The following RGS6 variants were observed in gnomAD, a reference collection of about 807,000 sequenced individuals.
RGS6 encodes regulator of G-protein signaling 6.
Under a neutral mutation model 78.5 loss-of-function variants are expected in RGS6, and 30 were observed. The observed-to-expected ratio is 0.38, with a 90% CI of 0.29 to 0.52. RGS6 has a LOEUF of 0.52. Ranked by LOEUF, RGS6 falls within the 20% of genes least tolerant of loss-of-function variation. The pLI is 0.85. For missense variants in RGS6, 495 were observed against 609.7 expected, an observed-to-expected ratio of 0.81 and a Z score of 1.98; for synonymous variants, 206 against 206.0, an observed-to-expected ratio of 1.00 and a Z score of 0.00.
rs77525570 is a variant in RGS6, at chr14:72,191,376, C to T, written c.85-160719C>T. On this transcript the variant is annotated intron_variant, in intron 2 of 17. Transcript: ENST00000553525. ...GCCTCAGTGCACTCTCTGGCCTCAA[C>T]GTAACTCCCTTGACCTTCCATGTTG... 3.1e-3 allele frequency among the ~76,000 whole-genome samples: 466 copies of T among 152,332 alleles called. 1 individual carries two copies. Among genetic ancestry groups the T allele is most frequent in the African/African-American group, 9.9e-3 (410 of 41,584 alleles).
the RGS6 span, among the ~76,000 whole-genome samples, chr14:72,580,317 C>CCCCG: frequency 6.7e-6 from 1 of 148,806 alleles, no homozygotes; most frequent in South Asian, 2.2e-4. Flanking sequence ...TCCCCCCCAC[C>CCCCG]CCGACCCCAG....
intron 1 of RGS6, among the ~76,000 whole-genome samples, chr14:71,948,737 TCTC>T (rs1448812619): frequency 3.4e-5 from 2 of 59,672 alleles, no homozygotes; most frequent in South Asian, 1.1e-3. Flanking sequence ...TCTCTCTCTC[TCTC>T]TTTTTTTTTT....
At chr14:72,346,597 C>A (rs1306406803) in intron 2 of RGS6, among the ~76,000 whole-genome samples, 1 of 152,194 alleles carries the variant, frequency 6.6e-6, no homozygotes, top group Non-Finnish European at 1.5e-5. Flanking sequence ...CCTGCCCTTC[C>A]CTTGCAGACA....
At position 72,472,879 on chromosome 14, in the gene RGS6, C is replaced by G; in HGVS notation, c.544C>G (p.Arg182Gly). The G allele has an allele frequency of 6.2e-7, 1 of 1,610,502 alleles. No individual in the cohort carries two copies. The highest frequency in any genetic ancestry group is 8.5e-7 in the Non-Finnish European group (1 of 1,177,598). Residue 182 changes from arginine (R) to glycine (G), a missense_variant, in exon 9 of 18, where the codon CGG becomes GGG. Arg to Gly is a moderately radical substitution (Grantham distance 125, BLOSUM62 -2). Transcript: ENST00000553525. ...MQAEAQVKIDRKKDKTERKIL... is the reference protein window; with the variant it reads ...MQAEAQVKIDGKKDKTERKIL... ...CTCTCTTTACTCTTTCAGGATTGAC[C>G]GGAAAAAAGACAAGACAGAAAGGAA...
the RGS6 span, among the ~76,000 whole-genome samples, chr14:72,617,429 C>T: frequency 6.6e-6 from 1 of 152,180 alleles, no homozygotes; most frequent in Non-Finnish European, 1.5e-5. Flanking sequence ...GTCACCCTCC[C>T]TATCCCTCCC....
intron 3 of RGS6, among the ~76,000 whole-genome samples, chr14:72,358,850 G>C (rs2080893261): frequency 6.6e-6 from 1 of 152,278 alleles, no homozygotes; most frequent in South Asian, 2.1e-4. Flanking sequence ...AGGGGCTGGG[G>C]TAGAATGATA....
chr14:71,889,998 C>T, the RGS6 span, among the ~76,000 whole-genome samples: 141 of 152,158 alleles, frequency 9.3e-4, no homozygotes, highest in Non-Finnish European at 1.2e-3. Flanking sequence ...TAACCTAAGA[C>T]GGTCTGCTCC....
the RGS6 span, among the ~76,000 whole-genome samples, chr14:71,889,897 CCTCT>C: frequency 6.6e-6 from 1 of 151,242 alleles, no homozygotes; most frequent in Non-Finnish European, 1.5e-5. Context: ...TGTAGCACCT[CCTCT>C]CTCTCTCTCT....
intron 17 of RGS6, chr14:72,547,379 C>CG (rs1567103999): frequency 7.1e-7 from 1 of 1,400,392 alleles, no homozygotes; most frequent in South Asian, 1.2e-5. Context: ...TAAGACCCCC[C>CG]CCCGACCCAT....
rs563765011 is a variant in RGS6 at position 72,154,507 on chromosome 14, TG to T, written c.84+189640del. Among the ~76,000 whole-genome samples, 63 of 151,866 alleles carry T rather than the reference TG, an allele frequency of 4.1e-4. 1 individual carries two copies. Among genetic ancestry groups the T allele is most frequent in the African/African-American group, 1.2e-3 (51 of 41,420 alleles). ...TGTGGCTCCAGCCAGTCCCTCTGTT[TG>T]GGGGGGGTCCCTGACTTCCAACAGC... On this transcript the variant is annotated intron_variant, in intron 2 of 17. Transcript: ENST00000553525.
chr14:72,331,811 C>T (rs2075110740), intron 2 of RGS6, among the ~76,000 whole-genome samples: 1 of 152,178 alleles, frequency 6.6e-6, no homozygotes, highest in Admixed American at 6.5e-5. Context: ...GTAACAAACA[C>T]CCAATTTTGT....
At chr14:72,459,507 G>T in intron 5 of RGS6, 125 bp from the exon 6 acceptor site, 1 of 830,526 alleles carries the variant, frequency 1.2e-6, no homozygotes. Context: ...GGAGAGAATT[G>T]TGGGGTAGCA....
chr14:71,907,385 C>T, the RGS6 span, among the ~76,000 whole-genome samples: 3,094 of 152,092 alleles, frequency 0.02, 109 homozygotes, highest in African/African-American at 0.071. Flanking sequence ...GAGGGGAAGA[C>T]GGAACATGAG....
intron 2 of RGS6, among the ~76,000 whole-genome samples, chr14:72,168,495 C>T (rs1197258578): frequency 6.6e-6 from 1 of 152,276 alleles, no homozygotes; most frequent in South Asian, 2.1e-4. Flanking sequence ...ATGTAAAGTA[C>T]ACAACCAATT....
At chr14:72,413,051 TGG>T (rs1265056798) in intron 3 of RGS6, among the ~76,000 whole-genome samples, 2 of 152,338 alleles carry the variant, frequency 1.3e-5, no homozygotes, top group South Asian at 4.1e-4. Context: ...TCTGTTGATT[TGG>T]GGTGGAGAGT....
chr14:72,518,442 G>A lies in RGS6; in HGVS notation c.1183G>A (p.Gly395Arg). Residue 395 changes from glycine (G) to arginine (R), a missense_variant, in exon 15 of 18, where the codon GGG becomes AGG. Transcript: ENST00000553525. ...EEIWQEFLAP[G>R]APSAINLDSH... is the part of the protein sequence containing the mutation. ...AATCTGGCAAGAGTTTCTGGCTCCA[G>A]GGGCTCCAAGTGCAATCAACCTGGA... 1.2e-6 allele frequency: 2 copies of A among 1,614,236 alleles called. No homozygotes were observed. The highest frequency in any genetic ancestry group is 1.7e-6 in the Non-Finnish European group (2 of 1,180,034).
At chr14:72,284,609 C>T (rs979287975) in intron 2 of RGS6, among the ~76,000 whole-genome samples, 2 of 152,232 alleles carry the variant, frequency 1.3e-5, no homozygotes, top group African/African-American at 4.8e-5. Context: ...GTGGGGCCCT[C>T]ATGGAGAACC....
intron 15 of RGS6, among the ~76,000 whole-genome samples, chr14:72,520,809 T>G (rs2097027093): frequency 1.3e-5 from 2 of 152,264 alleles, no homozygotes; most frequent in African/African-American, 2.4e-5. Context: ...CTGATTACTT[T>G]TATTGATGCT....
At chr14:72,266,731 G>A (rs1467285386) in intron 2 of RGS6, among the ~76,000 whole-genome samples, 1 of 152,154 alleles carries the variant, frequency 6.6e-6, no homozygotes, top group Non-Finnish European at 1.5e-5. Flanking sequence ...TAAACTGATG[G>A]CCTTTTCTAG....
Sources: gnomAD v4.1 joint callset for allele counts (sites outside exome capture counted in the v4.1 genomes callset) on GRCh38, gnomAD v4.1.1 for gene constraint, MANE v1.5 for transcripts, NCBI Gene and HGNC (gene_info 2026-07-23, HGNC 2026-07-21) for gene names.